The following PCDHGB5 variants were observed in gnomAD, a reference collection of about 807,000 sequenced individuals.
PCDHGB5 encodes protocadherin gamma-B5.
In PCDHGB5, 48 loss-of-function variants were observed where a neutral mutation model predicts 62.9. The ratio of observed to expected loss-of-function variants is 0.76; its 90% CI spans 0.61 to 0.97. PCDHGB5 has a LOEUF of 0.97. Ranked by LOEUF, PCDHGB5 falls within the 50% of genes least tolerant of loss-of-function variation. The probability of loss-of-function intolerance (pLI) is 0.00; values close to 1 mark genes in which losing one functional copy is unlikely to be tolerated. For missense variants in PCDHGB5, 1,118 were observed against 1,198.6 expected, an observed-to-expected ratio of 0.93 and a Z score of 0.99; for synonymous variants, 474 against 511.2, an observed-to-expected ratio of 0.93 and a Z score of 0.98.
chr5:141,405,583 T>C (rs868246551), intron 1 of PCDHGB5: 1 of 588,746 alleles, frequency 1.7e-6, no homozygotes. Flanking sequence ...TAGCTGGGAC[T>C]ACAGGCCTCC....
chr5:141,487,237 T>G lies in PCDHGB5; in HGVS notation c.2398-7570T>G, dbSNP rs1327004790. ...CAGCTCCAAGGGAAGGAGAATCTCGTCTAACCCTCTACTTGGCTGTGTCCC... is the reference window on the plus strand; with the variant it reads ...CAGCTCCAAGGGAAGGAGAATCTCGGCTAACCCTCTACTTGGCTGTGTCCC... On this transcript the variant is annotated intron_variant, in intron 1 of 3. Transcript: ENST00000617380. This position sits in a 1 kb window ranked among gnomAD's most constrained non-coding sequence, Gnocchi z 5.0. 1.2e-6 allele frequency: 2 copies of G among 1,614,004 alleles called. No individual in the cohort carries two copies. The highest frequency in any genetic ancestry group is 1.7e-6 in the Non-Finnish European group (2 of 1,179,988).
intron 1 of PCDHGB5, among the ~76,000 whole-genome samples, chr5:141,464,833 G>A (rs1015373577): frequency 6.6e-6 from 1 of 151,990 alleles, no homozygotes; most frequent in African/African-American, 2.4e-5. Context: ...CGCACTCCTG[G>A]GCTCAAGCAA....
intron 1 of PCDHGB5, chr5:141,427,786 C>G: frequency 1.4e-6 from 2 of 1,477,082 alleles, no homozygotes; most frequent in Non-Finnish European, 1.9e-6. Flanking sequence ...GCACTGTCGT[C>G]CTACGTGTCC....
chr5:141,414,690 G>A (rs377704657), intron 1 of PCDHGB5: 53 of 1,613,888 alleles, frequency 3.3e-5, no homozygotes, highest in Middle Eastern at 1.6e-4. Flanking sequence ...GGGTACCTCT[G>A]TCCTCATACA....
intron 1 of PCDHGB5, among the ~76,000 whole-genome samples, chr5:141,400,896 A>G (rs193291751): frequency 2.6e-5 from 4 of 152,214 alleles, no homozygotes; most frequent in Admixed American, 2.6e-4. Context: ...TAATCATTTA[A>G]TTCATCTTTT....
chr5:141,423,332 C>G, intron 1 of PCDHGB5: 2 of 1,614,198 alleles, frequency 1.2e-6, no homozygotes, highest in Non-Finnish European at 1.7e-6. Flanking sequence ...GCCGCAGTCT[C>G]CTGCATCTTC....
rs1270192367 is a variant in PCDHGB5 at position 141,399,732 on chromosome 5, G to C, written c.1605G>C (p.Ser535=). Residue 535 remains serine, a synonymous_variant, in exon 1 of 4, where the codon TCG becomes TCC. Transcript: ENST00000617380. Reference sequence around the variant, plus strand: ...CACTACAGGCCCGCGACCAGGGCTCGCCTGCGCTCAGCGCAAACGTGAGCC... The same window carrying C: ...CACTACAGGCCCGCGACCAGGGCTCCCCTGCGCTCAGCGCAAACGTGAGCC... ...ELTLQARDQG[S]PALSANVSLR... 27 of 1,613,174 alleles carry C rather than the reference G, an allele frequency of 1.7e-5. No individual in the cohort carries two copies. Among genetic ancestry groups the C allele is most frequent in the Non-Finnish European group, 2.0e-5 (24 of 1,179,880 alleles).
rs776330769 is a variant in PCDHGB5 at position 141,413,206 on chromosome 5, T to G, written c.2397+12682T>G. The stretch of plus-strand genomic sequence containing the variant: ...CGCTCAAAGGAATCGCTCAAAGGAA[T>G]CAAAGGATTGCAGCGGGCTGGTCCT... On this transcript the variant is annotated intron_variant, in intron 1 of 3. Transcript: ENST00000617380. 4.3e-6 allele frequency: 7 copies of G among 1,612,936 alleles called. 1 individual carries two copies. In the South Asian group the frequency reaches 7.7e-5, roughly 18 times the overall value.
At chr5:141,409,920 C>T (rs759433257) in intron 1 of PCDHGB5, 2 of 1,613,400 alleles carry the variant, frequency 1.2e-6, no homozygotes, top group Non-Finnish European at 1.7e-6. Flanking sequence ...GACGGCTCCG[C>T]GTTCTTCGAT....
intron 1 of PCDHGB5, among the ~76,000 whole-genome samples, chr5:141,483,218 A>G (rs2099578440): frequency 6.6e-6 from 1 of 152,188 alleles, no homozygotes; most frequent in Admixed American, 6.5e-5. Flanking sequence ...GATGACAGTC[A>G]CTGCAGAAAT....
intron 2 of PCDHGB5, among the ~76,000 whole-genome samples, chr5:141,499,984 G>A (rs1350203006): frequency 6.6e-6 from 1 of 151,872 alleles, no homozygotes; most frequent in East Asian, 1.9e-4. Context: ...CACCTTGCCC[G>A]GCCAGATGAT....
chr5:141,410,333 A>G lies in PCDHGB5; in HGVS notation c.2397+9809A>G, dbSNP rs774436706. 4.7e-5 allele frequency: 76 copies of G among 1,613,666 alleles called. No individual in the cohort carries two copies. Among genetic ancestry groups the G allele is most frequent in the Non-Finnish European group, 4.0e-5 (47 of 1,179,884 alleles). ...CTTCCTCCTCGCCGTGATTCTGGCC[A>G]TTGCCTTGCGCCTGCGACGCTCTCT... On this transcript the variant is annotated intron_variant, in intron 1 of 3. Transcript: ENST00000617380.
chr5:141,419,321 T>G, intron 1 of PCDHGB5: 1 of 1,613,950 alleles, frequency 6.2e-7, no homozygotes, highest in Non-Finnish European at 8.5e-7. Context: ...CGGCCGTGTC[T>G]CCTACTCTCT....
Position 141,472,217 on chromosome 5 carries a change from C to T in PCDHGB5, c.2398-22590C>T, listed in dbSNP as rs181908144. On this transcript the variant is annotated intron_variant, in intron 1 of 3. Transcript: ENST00000617380. ...CTTTTTGACACTAAGACCTTACTCTCGATCATATAATACATTCACTTTCTA... is the reference window on the plus strand; with the variant it reads ...CTTTTTGACACTAAGACCTTACTCTTGATCATATAATACATTCACTTTCTA... Among the ~76,000 whole-genome samples the T allele has an allele frequency of 3.1e-4, 47 of 152,234 alleles. 1 individual carries two copies. The highest frequency in any genetic ancestry group is 1.1e-3 in the African/African-American group (44 of 41,538).
At chr5:141,419,203 C>A in intron 1 of PCDHGB5, 1 of 1,613,988 alleles carries the variant, frequency 6.2e-7, no homozygotes, top group South Asian at 1.1e-5. Context: ...TCAATGACAA[C>A]GCGCCGGTTT....
chr5:141,426,629 T>G (rs1384012221), intron 1 of PCDHGB5: 4 of 397,284 alleles, frequency 1.0e-5, no homozygotes, highest in South Asian at 7.2e-5. Context: ...CTCTAAATGT[T>G]TTTCACATAA....
chr5:141,405,351 C>G, intron 1 of PCDHGB5: 1 of 1,614,080 alleles, frequency 6.2e-7, no homozygotes, highest in Non-Finnish European at 8.5e-7. Flanking sequence ...TCCAAGTTTC[C>G]TATAGAAGAC....
In PCDHGB5 at chr5:141,431,187, G is replaced by C. The variant is rs748150837; in HGVS notation, c.2397+30663G>C. On this transcript the variant is annotated intron_variant, in intron 1 of 3. Transcript: ENST00000617380. This position sits in a 1 kb window ranked among gnomAD's most constrained non-coding sequence, Gnocchi z 4.8. ...GAAAGTGAATTAGAAATAAAAATTAGTGAAAATGCAGCCACTGAGATGCGG... is the reference window on the plus strand; with the variant it reads ...GAAAGTGAATTAGAAATAAAAATTACTGAAAATGCAGCCACTGAGATGCGG... 4.3e-6 allele frequency: 7 copies of C among 1,614,102 alleles called. No homozygotes were observed. The Admixed American group carries it at 1.2e-4, about 27-fold the overall frequency.
Position 141,490,220 on chromosome 5 carries a change from A to G in PCDHGB5, c.2398-4587A>G. 6.2e-7 allele frequency: 1 copy of G among 1,614,252 alleles called. No individual in the cohort carries two copies. Among genetic ancestry groups the G allele is most frequent in the Non-Finnish European group, 8.5e-7 (1 of 1,180,044 alleles). On this transcript the variant is annotated intron_variant, in intron 1 of 3. Coordinates refer to ENST00000617380, the MANE Select transcript of PCDHGB5 (RefSeq NM_018925.3). This position sits in a 1 kb window ranked among gnomAD's most constrained non-coding sequence, Gnocchi z 5.4. The stretch of plus-strand genomic sequence containing the variant: ...CATGCAAGAGCCCGTGACCAGGGAC[A>G]GCCTGCCATGGAGGGCCACTGTGTG...
Sources: allele counts gnomAD v4.1 joint callset (sites outside exome capture counted in the v4.1 genomes callset), GRCh38; gene constraint gnomAD v4.1.1; non-coding constraint Gnocchi (gnomAD v3.1); transcripts MANE v1.5; gene names NCBI Gene and HGNC (gene_info 2026-07-23, HGNC 2026-07-21).